The following LCLAT1 variants were observed in gnomAD, a reference collection of about 807,000 sequenced individuals.
The protein encoded by LCLAT1 is 1-AGP acyltransferase 8.
Under a neutral mutation model 30.7 loss-of-function variants are expected in LCLAT1, and 11 were observed. The observed-to-expected ratio is 0.36, with a 90% CI of 0.23 to 0.59. The LOEUF is 0.59. LCLAT1 is among the 20% of genes least tolerant of loss of function. The pLI is 0.77. For synonymous variants in LCLAT1, 155 were observed against 151.3 expected (o/e 1.02, Z -0.18); for missense variants, 402 against 458.6 (o/e 0.88, Z 1.13).
chr2:30,521,656 G>A (rs868129624), intron 1 of LCLAT1, among the ~76,000 whole-genome samples: 3 of 151,510 alleles, frequency 2.0e-5, no homozygotes, highest in Non-Finnish European at 4.4e-5. Flanking sequence ...ACAGGCACGC[G>A]CCACCATGCC....
At chr2:30,568,864 C>CAAAAAAAGAAAAAAAAAAA (rs1665639545) in intron 5 of LCLAT1, among the ~76,000 whole-genome samples, 1 of 89,114 alleles carries the variant, frequency 1.1e-5, no homozygotes, top group Non-Finnish European at 2.1e-5. Flanking sequence ...TCATGAATAG[C>CAAAAAAAGAAAAAAAAAAA]AAAAAAAAAA....
intron 1 of LCLAT1, among the ~76,000 whole-genome samples, chr2:30,505,610 C>G (rs964983481): frequency 1.3e-5 from 2 of 151,798 alleles, no homozygotes; most frequent in Non-Finnish European, 2.9e-5. Flanking sequence ...GTGAATGCAC[C>G]CTGTGTAACC....
intron 1 of LCLAT1, among the ~76,000 whole-genome samples, chr2:30,510,109 G>GA (rs1684867523): frequency 1.3e-5 from 2 of 152,126 alleles, no homozygotes; most frequent in Admixed American, 1.3e-4. Flanking sequence ...AATTTGGACC[G>GA]AATGCCTTCT....
At chr2:30,611,537 C>T (rs765532054) in intron 5 of LCLAT1, among the ~76,000 whole-genome samples, 1 of 152,130 alleles carries the variant, frequency 6.6e-6, no homozygotes, top group Non-Finnish European at 1.5e-5. Context: ...CTCTCTCCCC[C>T]TGACTCTGCT....
chr2:30,620,898 A>G (rs951234088), intron 5 of LCLAT1, among the ~76,000 whole-genome samples: 1 of 151,854 alleles, frequency 6.6e-6, no homozygotes, highest in Non-Finnish European at 1.5e-5. Flanking sequence ...GCTTCTAGCA[A>G]CTCCTGGGAT....
chr2:30,501,666 C>T (rs1239341900), intron 1 of LCLAT1, among the ~76,000 whole-genome samples: 1 of 152,022 alleles, frequency 6.6e-6, no homozygotes, highest in Admixed American at 6.6e-5. Context: ...CAGAGTGAGA[C>T]TCTGTCTCAA....
At chr2:30,497,795 G>C (rs372552432) in intron 1 of LCLAT1, among the ~76,000 whole-genome samples, 3 of 152,022 alleles carry the variant, frequency 2.0e-5, no homozygotes, top group Non-Finnish European at 4.4e-5. Flanking sequence ...TCATTTCAGC[G>C]ATGCCAATAA....
chr2:30,603,005 G>A (rs1056816375), intron 5 of LCLAT1, among the ~76,000 whole-genome samples: 3 of 152,194 alleles, frequency 2.0e-5, no homozygotes, highest in Non-Finnish European at 2.9e-5. Context: ...CTTATTAGCT[G>A]TGTGACCTAG....
chr2:30,454,159 T>TA (rs1681706039), intron 1 of LCLAT1, among the ~76,000 whole-genome samples: 1 of 152,234 alleles, frequency 6.6e-6, no homozygotes, highest in Non-Finnish European at 1.5e-5. Context: ...GAATGTAACT[T>TA]ACGGTAGCTA....
intron 5 of LCLAT1, among the ~76,000 whole-genome samples, chr2:30,579,169 G>A (rs1440994346): frequency 2.0e-5 from 3 of 152,094 alleles, no homozygotes; most frequent in African/African-American, 7.2e-5. Context: ...TTTAGGGATG[G>A]ACATTGGTAA....
intron 5 of LCLAT1, among the ~76,000 whole-genome samples, chr2:30,572,217 A>T (rs983868036): frequency 6.6e-6 from 1 of 152,126 alleles, no homozygotes; most frequent in African/African-American, 2.4e-5. Context: ...TGAGCTGCTC[A>T]TTTAGGACAG....
chr2:30,462,487 G>A (rs1483352666), intron 1 of LCLAT1, among the ~76,000 whole-genome samples: 1 of 152,196 alleles, frequency 6.6e-6, no homozygotes, highest in Non-Finnish European at 1.5e-5. Context: ...TTGTGACTGA[G>A]GGGAGGACCC....
intron 1 of LCLAT1, chr2:30,459,683 A>G (rs1682010157): frequency 3.1e-6 from 5 of 1,613,992 alleles, no homozygotes; most frequent in African/African-American, 1.3e-5. Flanking sequence ...GTTTCTAGCT[A>G]CTGCACGTAC....
At chr2:30,527,376 G>A (rs1470405377) in intron 2 of LCLAT1, among the ~76,000 whole-genome samples, 1 of 152,118 alleles carries the variant, frequency 6.6e-6, no homozygotes, top group African/African-American at 2.4e-5. Context: ...TATTGTTACT[G>A]TACTCCATTT....
At chr2:30,626,521 T>C (rs1668517964) in intron 5 of LCLAT1, among the ~76,000 whole-genome samples, 1 of 152,222 alleles carries the variant, frequency 6.6e-6, no homozygotes, top group South Asian at 2.1e-4. Flanking sequence ...TAGTTTACTG[T>C]ATGTAATCTT....
intron 3 of LCLAT1, among the ~76,000 whole-genome samples, chr2:30,538,601 C>T (rs186689736): frequency 6.6e-6 from 1 of 151,750 alleles, no homozygotes; most frequent in Non-Finnish European, 1.5e-5. Context: ...CACCACTGCA[C>T]TGTAGCGTGG....
At chr2:30,511,305 G>A (rs951931062) in intron 1 of LCLAT1, among the ~76,000 whole-genome samples, 3 of 152,104 alleles carry the variant, frequency 2.0e-5, no homozygotes, top group South Asian at 2.1e-4. Context: ...ATGAGTCACC[G>A]CGCCTGGCCT....
chr2:30,523,551 C>T (rs184554697), intron 1 of LCLAT1, among the ~76,000 whole-genome samples: 3 of 152,278 alleles, frequency 2.0e-5, no homozygotes, highest in East Asian at 1.9e-4. Flanking sequence ...ATTTTGTACA[C>T]GTACTGTCAA....
At chr2:30,589,329 A>G (rs887079425) in intron 5 of LCLAT1, among the ~76,000 whole-genome samples, 2 of 152,214 alleles carry the variant, frequency 1.3e-5, no homozygotes, top group Non-Finnish European at 2.9e-5. Flanking sequence ...TAGTTCCTCT[A>G]GGATGTTGTG....
Sources: gnomAD v4.1 joint callset for allele counts (sites outside exome capture counted in the v4.1 genomes callset) on GRCh38, gnomAD v4.1.1 for gene constraint, MANE v1.5 for transcripts, NCBI Gene and HGNC (gene_info 2026-07-23, HGNC 2026-07-21) for gene names.